LHFPL3: variants seen among roughly 807,000 people sequenced by gnomAD.
The protein encoded by LHFPL3 is LHFPL tetraspan subfamily member 3 protein.
In LHFPL3, 5 loss-of-function variants were observed where a neutral mutation model predicts 19.3. That is an observed-to-expected ratio of 0.26 (90% confidence interval 0.14 to 0.54). LHFPL3 has a LOEUF of 0.54. LHFPL3 is among the 20% of genes least tolerant of loss of function. The pLI, the probability that LHFPL3 is intolerant of heterozygous loss-of-function variation, is 0.94. For synonymous variants in LHFPL3, 133 were observed against 126.2 expected (o/e 1.05, Z -0.36); for missense variants, 249 against 307.4 (o/e 0.81, Z 1.42).
intron 1 of LHFPL3, among the ~76,000 whole-genome samples, chr7:104,466,988 G>T (rs17137836): frequency 0.026 from 3,988 of 152,174 alleles, 155 homozygotes; most frequent in African/African-American, 0.091. Context: ...CATCTTGATG[G>T]TTCTCCAGTG....
chr7:104,870,719 C>A (rs1562820920), intron 2 of LHFPL3, among the ~76,000 whole-genome samples: 1 of 152,158 alleles, frequency 6.6e-6, no homozygotes. Context: ...GAAGTTTTCC[C>A]CGTGGACTCT....
intron 1 of LHFPL3, among the ~76,000 whole-genome samples, chr7:104,401,083 G>A (rs1791304503): frequency 6.6e-6 from 1 of 152,148 alleles, no homozygotes; most frequent in Non-Finnish European, 1.5e-5. Flanking sequence ...TGGCCCTGGG[G>A]GTGGCTCTTG....
intron 1 of LHFPL3, among the ~76,000 whole-genome samples, chr7:104,591,733 C>T (rs1296917958): frequency 2.0e-5 from 3 of 152,136 alleles, no homozygotes; most frequent in African/African-American, 7.2e-5. Flanking sequence ...TCCATTCTCC[C>T]CTTCACTTTC....
rs1228212713 is a variant in LHFPL3 at position 104,573,099 on chromosome 7, A to G, written c.446-163576A>G. 3.9e-5 allele frequency among the ~76,000 whole-genome samples: 6 copies of G among 152,234 alleles called. No homozygotes were observed. The East Asian group carries it at 7.7e-4, about 20-fold the overall frequency. ...TTCCTTTCAATCGATTCATTTGGGG[A>G]GGGAAAATGGGTTGATTTAAAGACA... On this transcript the variant is annotated intron_variant, in intron 1 of 2. Coordinates refer to ENST00000424859, the MANE Select transcript of LHFPL3 (RefSeq NM_199000.3).
intron 1 of LHFPL3, among the ~76,000 whole-genome samples, chr7:104,428,030 A>G (rs1791882109): frequency 2.0e-5 from 3 of 152,210 alleles, no homozygotes; most frequent in Non-Finnish European, 4.4e-5. Context: ...AAATCAGATA[A>G]TACCTCAGCA....
At chr7:104,697,209 G>C (rs1048852556) in intron 1 of LHFPL3, among the ~76,000 whole-genome samples, 1 of 152,144 alleles carries the variant, frequency 6.6e-6, no homozygotes, top group Non-Finnish European at 1.5e-5. Flanking sequence ...TGGGGGTTAA[G>C]ATTCCAATAT....
At position 104,549,802 on chromosome 7, in the gene LHFPL3, C is replaced by A. The variant is rs562529507; in HGVS notation, c.446-186873C>A. The stretch of plus-strand genomic sequence containing the variant: ...GGGGATACATTGATGAGGGACAGAG[C>A]CCCTGTGCTCCTGAAGCTTGCAGAA... On this transcript the variant is annotated intron_variant, in intron 1 of 2. Coordinates refer to ENST00000424859, the MANE Select transcript of LHFPL3 (RefSeq NM_199000.3). Among the ~76,000 whole-genome samples, 5 of 152,218 alleles carry A rather than the reference C, an allele frequency of 3.3e-5. No homozygotes were observed. The South Asian group carries it at 1.0e-3, about 32-fold the overall frequency.
intron 1 of LHFPL3, among the ~76,000 whole-genome samples, chr7:104,589,446 A>C (rs1790657609): frequency 6.6e-6 from 1 of 152,218 alleles, no homozygotes; most frequent in Non-Finnish European, 1.5e-5. Context: ...CCAGCCTTGC[A>C]TCCCAGTGAT....
At chr7:104,669,388 T>G (rs878941252) in intron 1 of LHFPL3, 27 of 1,613,512 alleles carry the variant, frequency 1.7e-5, no homozygotes, top group African/African-American at 6.7e-5. Flanking sequence ...TCCAGGAGAC[T>G]GAGGGAACAG....
chr7:104,471,958 G>A (rs774297394), intron 1 of LHFPL3, among the ~76,000 whole-genome samples: 1 of 152,050 alleles, frequency 6.6e-6, no homozygotes, highest in African/African-American at 2.4e-5. Flanking sequence ...CAGGAGGATT[G>A]CTTGGCCCCA....
chr7:104,657,053 C>T (rs555645252), intron 1 of LHFPL3, among the ~76,000 whole-genome samples: 1 of 152,302 alleles, frequency 6.6e-6, no homozygotes, highest in East Asian at 1.9e-4. Flanking sequence ...TTTGATGGCT[C>T]AATTTCTCCA....
intron 1 of LHFPL3, among the ~76,000 whole-genome samples, chr7:104,541,179 G>A (rs913462792): frequency 6.8e-6 from 1 of 148,042 alleles, no homozygotes; most frequent in Non-Finnish European, 1.5e-5. Flanking sequence ...AGTTCCAAAG[G>A]GAGAGCTTCT....
At chr7:104,431,969 C>T (rs561255678) in intron 1 of LHFPL3, among the ~76,000 whole-genome samples, 1 of 152,164 alleles carries the variant, frequency 6.6e-6, no homozygotes, top group African/African-American at 2.4e-5. Context: ...TGCTGGTATA[C>T]TCCAGTTCCC....
chr7:104,546,402 A>G (rs1455913886), intron 1 of LHFPL3, among the ~76,000 whole-genome samples: 3 of 152,212 alleles, frequency 2.0e-5, no homozygotes, highest in Non-Finnish European at 4.4e-5. Context: ...CTCCTTGCCA[A>G]CTATTTATTA....
chr7:104,424,816 C>G (rs1791806119), intron 1 of LHFPL3, among the ~76,000 whole-genome samples: 1 of 151,676 alleles, frequency 6.6e-6, no homozygotes, highest in Non-Finnish European at 1.5e-5. Context: ...ATGGTGAAAC[C>G]CTGTCTCTAC....
intron 1 of LHFPL3, among the ~76,000 whole-genome samples, chr7:104,713,407 G>A (rs1793329113): frequency 6.6e-6 from 1 of 152,198 alleles, no homozygotes; most frequent in Admixed American, 6.5e-5. Context: ...AGGTAGCATG[G>A]AAACTTACAA....
At chr7:104,851,871 G>A (rs760509473) in intron 2 of LHFPL3, among the ~76,000 whole-genome samples, 23 of 152,198 alleles carry the variant, frequency 1.5e-4, no homozygotes, top group South Asian at 2.1e-4. Context: ...TGCTTGGGCC[G>A]TAGCTTTCTC....
chr7:104,526,446 G>A (rs1794189641), intron 1 of LHFPL3, among the ~76,000 whole-genome samples: 1 of 152,186 alleles, frequency 6.6e-6, no homozygotes, highest in African/African-American at 2.4e-5. Context: ...AGCAATCCAA[G>A]CTCTGTAGTT....
chr7:104,853,534 A>C (rs1275316842), intron 2 of LHFPL3, among the ~76,000 whole-genome samples: 3 of 152,236 alleles, frequency 2.0e-5, no homozygotes. Context: ...AGATGAGTTA[A>C]ATGCTCTGAC....
Sources: gnomAD v4.1 joint callset for allele counts (sites outside exome capture counted in the v4.1 genomes callset) on GRCh38, gnomAD v4.1.1 for gene constraint, MANE v1.5 for transcripts, NCBI Gene and HGNC (gene_info 2026-07-23, HGNC 2026-07-21) for gene names.